The following GMPPA variants were observed in gnomAD, a reference collection of about 807,000 sequenced individuals.
The protein encoded by GMPPA is mannose-1-phosphate guanylyltransferase regulatory subunit alpha.
A neutral mutation model predicts 58.6 loss-of-function variants in GMPPA; 46 were observed. The observed-to-expected ratio is 0.78, with a 90% CI of 0.62 to 1.00. The LOEUF is 1.00. GMPPA is among the 50% of genes least tolerant of loss of function. GMPPA has a pLI of 0.00. For synonymous variants in GMPPA, 211 were observed against 214.9 expected (o/e 0.98, Z 0.16); for missense variants, 468 against 556.4 (o/e 0.84, Z 1.60).
rs116384709 is a variant in GMPPA at position 219,504,825 on chromosome 2, C to T, written c.621-403C>T. Reference sequence around the variant, plus strand: ...ATCTCTACCATCTCTCTCTCCCTTTCTTTCTGTGACTGTCTCTGCCCTCAC... The same window carrying T: ...ATCTCTACCATCTCTCTCTCCCTTTTTTTCTGTGACTGTCTCTGCCCTCAC... On this transcript the variant is annotated intron_variant, in intron 7 of 12. Transcript: ENST00000313597. 2.3e-4 allele frequency: 245 copies of T among 1,049,332 alleles called. No individual in the cohort carries two copies. The African/African-American group carries it at 3.9e-3, about 17-fold the overall frequency. The allele number at this position is 1,049,332 out of a possible 1,614,324, so 65.0% of individuals were successfully genotyped here.
Position 219,502,310 on chromosome 2 carries a change from G to T in GMPPA, c.430-72G>T. On this transcript the variant is annotated intron_variant, in intron 5 of 12. Coordinates refer to ENST00000313597, the MANE Select transcript of GMPPA (RefSeq NM_013335.4). This position sits in a 1 kb window ranked among gnomAD's most constrained non-coding sequence, Gnocchi z 4.0. ...TGCATGCCAGGTGCTGTAGCGGAGG[G>T]AAAGAAAGAAAAAACAGACGTGGCT... 7.3e-7 allele frequency: 1 copy of T among 1,367,280 alleles called. No homozygotes were observed. The highest frequency in any genetic ancestry group is 1.0e-6 in the Non-Finnish European group (1 of 957,158). 84.7% of individuals were successfully genotyped at this position (1,367,280 alleles called of 1,614,324 possible). A position where few individuals can be genotyped will look rare whatever the true frequency, so the allele number is the denominator to read the frequency against.
chr2:219,506,510 G>A (rs933514233), intron 12 of GMPPA, 88 bp downstream of exon 12: 17 of 1,322,024 alleles, frequency 1.3e-5, no homozygotes, highest in African/African-American at 7.4e-5. Flanking sequence ...GTGTGCACGC[G>A]TGTTTCTTCT....
chr2:219,506,639 G>A (rs1289492773), intron 12 of GMPPA, 59 bp from the exon 13 acceptor site: 4 of 1,093,232 alleles, frequency 3.7e-6, no homozygotes, highest in Non-Finnish European at 5.6e-6. Flanking sequence ...GTGGCCCCCA[G>A]CTCCCTGCCC....
At position 219,505,571 on chromosome 2, in the gene GMPPA, C is replaced by G; in HGVS notation, c.853+16C>G. ...TGGATCCGAGGTACCCAGCCTGCCCCAATTCCTAACCTTTGGCTTCCACCC... is the reference window on the plus strand; with the variant it reads ...TGGATCCGAGGTACCCAGCCTGCCCGAATTCCTAACCTTTGGCTTCCACCC... On this transcript the variant is annotated intron_variant, in intron 9 of 12. Coordinates refer to ENST00000313597, the MANE Select transcript of GMPPA (RefSeq NM_013335.4). The G allele has an allele frequency of 6.4e-7, 1 of 1,568,350 alleles. No homozygotes were observed. Among genetic ancestry groups the G allele is most frequent in the Non-Finnish European group, 8.7e-7 (1 of 1,154,752 alleles).
rs766449626 is a variant in GMPPA at position 219,506,391 on chromosome 2, C to T, written c.1131C>T (p.Asp377=). 15 of 1,613,180 alleles carry T rather than the reference C, an allele frequency of 9.3e-6. No homozygotes were observed. The highest frequency in any genetic ancestry group is 4.5e-5 in the East Asian group (2 of 44,894). Residue 377 remains aspartate (D), a synonymous_variant, in exon 12 of 13, where the codon GAC becomes GAT. Coordinates refer to ENST00000313597, the MANE Select transcript of GMPPA (RefSeq NM_013335.4). ...TGGACAGTGAGAGCCTCTTCAAGGA[C>T]GGGAAGCTGCTGCCTGCTATCACCA... ...ARMDSESLFK[D]GKLLPAITIL...
intron 1 of GMPPA, 161 bp from the exon 2 acceptor site, chr2:219,499,795 G>T (rs1045686616): frequency 1.2e-5 from 8 of 654,766 alleles, no homozygotes; most frequent in Non-Finnish European, 2.0e-5. Flanking sequence ...TTTCTCTGCT[G>T]GGATTTGAGA....
chr2:219,506,141 C>A (rs757415529), intron 11 of GMPPA, 69 bp downstream of exon 11: 1 of 1,467,420 alleles, frequency 6.8e-7, no homozygotes, highest in Non-Finnish European at 9.4e-7. Context: ...GGCATCCCCC[C>A]AAGAACAGAG....
chr2:219,499,651 T>G, intron 1 of GMPPA: 4 of 394,916 alleles, frequency 1.0e-5, no homozygotes, highest in East Asian at 4.5e-5. Flanking sequence ...TGGGTTGGGA[T>G]TTGAGATGTG....
Position 219,504,063 on chromosome 2 carries a change from C to T in GMPPA, c.490-20C>T. ...GCGGTAGTCCCTTCTTCTACTGAAC[C>T]CAGCCTGCTCTGTCCTCAGGTATTG... On this transcript the variant is annotated intron_variant, in intron 6 of 12. Coordinates refer to ENST00000313597, the MANE Select transcript of GMPPA (RefSeq NM_013335.4). 1 of 1,613,820 alleles carries T rather than the reference C, an allele frequency of 6.2e-7. No individual in the cohort carries two copies. The highest frequency in any genetic ancestry group is 1.1e-5 in the South Asian group (1 of 91,056).
chr2:219,502,282 A>C lies in GMPPA; in HGVS notation c.430-100A>C. 9.4e-7 allele frequency: 1 copy of C among 1,068,092 alleles called. No individual in the cohort carries two copies. The allele number at this position is 1,068,092 out of a possible 1,614,324, so 66.2% of individuals were successfully genotyped here. A position where few individuals can be genotyped will look rare whatever the true frequency, so the allele number is the denominator to read the frequency against. ...CTTGCTGAAGGCCTGTCAGTGGCAGAGCTGCATGCCAGGTGCTGTAGCGGA... is the reference window on the plus strand; with the variant it reads ...CTTGCTGAAGGCCTGTCAGTGGCAGCGCTGCATGCCAGGTGCTGTAGCGGA... On this transcript the variant is annotated intron_variant, in intron 5 of 12. Coordinates refer to ENST00000313597, the MANE Select transcript of GMPPA (RefSeq NM_013335.4). The surrounding 1 kb of genome is among the most constrained non-coding windows in gnomAD (Gnocchi z 4.0).
Position 219,506,045 on chromosome 2 carries a change from C to T in GMPPA, c.966C>T (p.Ser322=). Residue 322 remains serine (S), a synonymous_variant, in exon 11 of 13, where the codon AGC becomes AGT. Coordinates refer to ENST00000313597, the MANE Select transcript of GMPPA (RefSeq NM_013335.4). ...GTGAGGGTGTGCGGCTCCGGGAGAGCATCGTCCTCCATGGAGCCACTTTGC... is the reference window on the plus strand; with the variant it reads ...GTGAGGGTGTGCGGCTCCGGGAGAGTATCGTCCTCCATGGAGCCACTTTGC... The part of the protein sequence containing the change: ...TVGEGVRLRE[S]IVLHGATLQE... 1 of 1,591,202 alleles carries T rather than the reference C, an allele frequency of 6.3e-7. No homozygotes were observed. Among genetic ancestry groups the T allele is most frequent in the Non-Finnish European group, 8.6e-7 (1 of 1,165,378 alleles).
At position 219,502,164 on chromosome 2, in the gene GMPPA, C is replaced by A; in HGVS notation, c.429+127C>A. ...GGGAGCTGGCGTCAGGAGGGAGATG[C>A]GCTGCTCTGGCAGCATGGAGGTGTT... On this transcript the variant is annotated intron_variant, in intron 5 of 12. Coordinates refer to ENST00000313597, the MANE Select transcript of GMPPA (RefSeq NM_013335.4). This position sits in a 1 kb window ranked among gnomAD's most constrained non-coding sequence, Gnocchi z 4.0. The A allele has an allele frequency of 1.0e-6, 1 of 989,250 alleles. No homozygotes were observed. The highest frequency in any genetic ancestry group is 1.5e-6 in the Non-Finnish European group (1 of 646,186). 61.3% of individuals were successfully genotyped at this position (989,250 alleles called of 1,614,324 possible).
chr2:219,505,625 C>G (rs1297879170), intron 9 of GMPPA, 70 bp downstream of exon 9: 2 of 1,577,812 alleles, frequency 1.3e-6, no homozygotes, highest in Non-Finnish European at 1.7e-6. Context: ...TTCTTGACCT[C>G]GAGTCCAGAG....
Position 219,501,548 on chromosome 2 carries a change from G to A in GMPPA, c.211G>A (p.Ala71Thr), listed in dbSNP as rs1160677151. ...TGAGCCCCTCACCCAGTTCCTAGAAGCCGCCCAGCAGGAGTTTAACCTTCC... is the reference window on the plus strand; with the variant it reads ...TGAGCCCCTCACCCAGTTCCTAGAAACCGCCCAGCAGGAGTTTAACCTTCC... ...PDEPLTQFLE[A>T]AQQEFNLPVR... The change falls in exon 4 of 13, where the codon GCC (alanine) becomes ACC (threonine). Residue 71 changes from alanine to threonine, a missense_variant. Physicochemically the swap from Ala to Thr is moderately conservative, Grantham distance 58. Transcript: ENST00000313597. The A allele has an allele frequency of 2.5e-6, 4 of 1,612,180 alleles. No homozygotes were observed. In the African/African-American group the frequency reaches 4.0e-5, roughly 16 times the overall value.
At position 219,504,189 on chromosome 2, in the gene GMPPA, A is replaced by G. The variant is rs1339400669; in HGVS notation, c.596A>G (p.Gln199Arg). The change falls in exon 7 of 13, where the codon CAG (glutamine) becomes CGG (arginine). Residue 199 changes from glutamine to arginine, a missense_variant. Coordinates refer to ENST00000313597, the MANE Select transcript of GMPPA (RefSeq NM_013335.4). Reference protein sequence around the residue: ...EALKPLRDVFQRNQQDGQLED... With the variant: ...EALKPLRDVFRRNQQDGQLED... The stretch of plus-strand genomic sequence containing the variant: ...TTGAAGCCTCTTCGGGATGTCTTCC[A>G]GCGTAATCAGCAGGATGGGCAATTG... The G allele has an allele frequency of 1.9e-6, 3 of 1,613,952 alleles. No individual in the cohort carries two copies. Among genetic ancestry groups the G allele is most frequent in the African/African-American group, 2.7e-5 (2 of 74,906 alleles).
In GMPPA at chr2:219,506,034, C is replaced by A; in HGVS notation, c.955C>A (p.Leu319Ile). ...KGVTVGEGVRLRESIVLHGAT... is the reference protein window; with the variant it reads ...KGVTVGEGVRIRESIVLHGAT... ...GGTGACCGTGGGTGAGGGTGTGCGG[C>A]TCCGGGAGAGCATCGTCCTCCATGG... The change falls in exon 11 of 13, where the codon CTC (leucine) becomes ATC (isoleucine). Residue 319 changes from leucine to isoleucine, a missense_variant. Coordinates refer to ENST00000313597, the MANE Select transcript of GMPPA (RefSeq NM_013335.4). The A allele has an allele frequency of 6.3e-7, 1 of 1,595,832 alleles. No individual in the cohort carries two copies. Among genetic ancestry groups the A allele is most frequent in the Admixed American group, 1.7e-5 (1 of 58,030 alleles).
intron 9 of GMPPA, 45 bp downstream of exon 9, chr2:219,505,600 C>A: frequency 6.4e-7 from 1 of 1,566,460 alleles, no homozygotes; most frequent in Non-Finnish European, 8.7e-7. Flanking sequence ...TCCACCCCAG[C>A]CCTCTGAACC....
At chr2:219,506,502 G>A in intron 12 of GMPPA, 80 bp downstream of exon 12, 1 of 1,370,348 alleles carries the variant, frequency 7.3e-7, no homozygotes, top group Admixed American at 1.9e-5. Flanking sequence ...GTTCCTCTGT[G>A]TGCACGCGTG....
chr2:219,506,632 GC>G, intron 12 of GMPPA, 65 bp from the exon 13 acceptor site: 1 of 1,041,732 alleles, frequency 9.6e-7, no homozygotes, highest in Non-Finnish European at 1.5e-6. Flanking sequence ...GCTGGCAGTG[GC>G]CCCCAGCTCC....
Sources: allele counts gnomAD v4.1 joint callset, GRCh38; gene constraint gnomAD v4.1.1; non-coding constraint Gnocchi (gnomAD v3.1); transcripts MANE v1.5; gene names NCBI Gene and HGNC (gene_info 2026-07-23, HGNC 2026-07-21).